The following SHC2 variants were observed in gnomAD, a reference collection of about 807,000 sequenced individuals.
The protein encoded by SHC2 is SHC adaptor protein 2, also known as SHC-transforming protein 2.
A neutral mutation model predicts 60.6 loss-of-function variants in SHC2; 62 were observed. The observed-to-expected ratio is 1.02, with a 90% CI of 0.83 to 1.26. The LOEUF (loss-of-function observed/expected upper bound fraction) is 1.26, where lower values mean the gene tolerates loss of function less well. SHC2 is among the 50% of genes most tolerant of loss of function. SHC2 has a pLI of 0.00. For synonymous variants in SHC2, 375 were observed against 372.4 expected (o/e 1.01, Z -0.08); for missense variants, 873 against 822.2 (o/e 1.06, Z -0.76).
At chr19:444,328 C>T (rs1600310016) in intron 1 of SHC2, among the ~76,000 whole-genome samples, 1 of 152,260 alleles carries the variant, frequency 6.6e-6, no homozygotes, top group East Asian at 1.9e-4. Flanking sequence ...TGCTCAATGG[C>T]TGTCTTCTCT....
chr19:418,811 T>C (rs981172560), intron 12 of SHC2, 112 bp downstream of exon 12: 7 of 1,223,124 alleles, frequency 5.7e-6, no homozygotes, highest in Non-Finnish European at 7.9e-6. Flanking sequence ...CACCCCTGAG[T>C]CGTGCCCTCT....
At chr19:443,079 ATGGATGGAGGG>A (rs1285781983) in intron 1 of SHC2, among the ~76,000 whole-genome samples, 1 of 124,498 alleles carries the variant, frequency 8.0e-6, no homozygotes, top group Non-Finnish European at 1.7e-5. Flanking sequence ...GGGTGGGTGG[ATGGATGGAGGG>A]TGGATGGATG....
Position 437,105 on chromosome 19 carries a change from AG to A in SHC2, c.721-423del, listed in dbSNP as rs1452380694. On this transcript the variant is annotated intron_variant, in intron 4 of 12. Transcript: ENST00000264554. ...CTCCTGACTCCCTTGTCCACGTGCA[AG>A]GGCACCTGTGAGTGCATTTGCATGC... 4.6e-5 allele frequency among the ~76,000 whole-genome samples: 7 copies of A among 152,278 alleles called. 1 individual carries two copies. Among genetic ancestry groups the A allele is most frequent in the Admixed American group, 3.3e-4 (5 of 15,302 alleles).
intron 1 of SHC2, among the ~76,000 whole-genome samples, chr19:443,978 C>T (rs1416350432): frequency 2.1e-5 from 2 of 96,514 alleles, no homozygotes; most frequent in African/African-American, 4.3e-5. Context: ...GATGGATGGA[C>T]GGATGGTTGG....
rs993312055 is a variant in SHC2 at position 446,700 on chromosome 19, C to T, written c.469-5768G>A. On this transcript the variant is annotated intron_variant, in intron 1 of 12. Transcript: ENST00000264554. The surrounding 1 kb of genome is among the most constrained non-coding windows in gnomAD (Gnocchi z 5.4). ...ATGGGGAGGAGCCCTGGCGGCTTCA[C>T]ATTCAACCTTCCCCTTTGCAAATTC... is the stretch of plus-strand genomic sequence containing the variant. Among the ~76,000 whole-genome samples, 3 of 152,144 alleles carry T rather than the reference C, an allele frequency of 2.0e-5. No homozygotes were observed. The highest frequency in any genetic ancestry group is 4.4e-5 in the Non-Finnish European group (3 of 68,032).
At chr19:460,100 G>A (rs1200152878) in intron 1 of SHC2, among the ~76,000 whole-genome samples, 9 of 152,242 alleles carry the variant, frequency 5.9e-5, no homozygotes, top group Non-Finnish European at 1.3e-4. Flanking sequence ...CCTGGGGTCT[G>A]TCCGGGCGCC....
intron 1 of SHC2, among the ~76,000 whole-genome samples, chr19:442,871 ATAGATGAG>A (rs1974928169): frequency 9.7e-6 from 1 of 102,806 alleles, no homozygotes; most frequent in Non-Finnish European, 1.8e-5. Flanking sequence ...GGGTGGGTGG[ATAGATGAG>A]TGGATGGGTG....
intron 1 of SHC2, among the ~76,000 whole-genome samples, chr19:451,169 G>A (rs112242192): frequency 5.9e-4 from 85 of 144,206 alleles, no homozygotes; most frequent in Admixed American, 2.6e-3. Flanking sequence ...GTATTTCAGC[G>A]TGTGGATGGC....
chr19:421,745 C>T (rs796427392), intron 11 of SHC2, among the ~76,000 whole-genome samples: 8 of 152,140 alleles, frequency 5.3e-5, no homozygotes, highest in African/African-American at 1.9e-4. Context: ...GTGGCAAGGC[C>T]CCATCTCTAC....
intron 11 of SHC2, among the ~76,000 whole-genome samples, chr19:420,271 A>G (rs1357083992): frequency 6.6e-6 from 1 of 152,192 alleles, no homozygotes; most frequent in African/African-American, 2.4e-5. Context: ...CTCTCGCCCA[A>G]GCCCTGCCCC....
At chr19:456,093 A>G (rs1488903881) in intron 1 of SHC2, among the ~76,000 whole-genome samples, 1 of 152,124 alleles carries the variant, frequency 6.6e-6, no homozygotes, top group Non-Finnish European at 1.5e-5. Flanking sequence ...GCGTAACCTC[A>G]GACACAGCTC....
At position 438,899 on chromosome 19, in the gene SHC2, G is replaced by A. The variant is rs1974784889; in HGVS notation, c.601-62C>T. The A allele has an allele frequency of 6.4e-7, 1 of 1,552,996 alleles. No homozygotes were observed. Among genetic ancestry groups the A allele is most frequent in the Admixed American group, 1.9e-5 (1 of 51,800 alleles). On this transcript the variant is annotated intron_variant, in intron 3 of 12. Coordinates refer to ENST00000264554, the MANE Select transcript of SHC2 (RefSeq NM_012435.3). The surrounding 1 kb of genome is among the most constrained non-coding windows in gnomAD (Gnocchi z 5.0). ...GGTGGGGGCTGTCGAGGGGCTCCCA[G>A]GATGGCCGCAGCGTCCCCACAGCCC...
intron 1 of SHC2, among the ~76,000 whole-genome samples, chr19:454,762 C>T (rs1386588305): frequency 6.6e-6 from 1 of 151,626 alleles, no homozygotes; most frequent in Non-Finnish European, 1.5e-5. Flanking sequence ...GGCACTCCAG[C>T]CTCAGCAACA....
At chr19:428,403 C>T (rs374503844) in intron 9 of SHC2, among the ~76,000 whole-genome samples, 4 of 152,292 alleles carry the variant, frequency 2.6e-5, no homozygotes, top group African/African-American at 9.6e-5. Context: ...CTGCAATCAA[C>T]GCAGATGTCC....
rs1250637995 is a variant in SHC2 at position 438,487 on chromosome 19, C to T, written c.720+231G>A. On this transcript the variant is annotated intron_variant, in intron 4 of 12. Transcript: ENST00000264554. This position sits in a 1 kb window ranked among gnomAD's most constrained non-coding sequence, Gnocchi z 5.0. ...AGCAGCGTCCCTGCCCCCACCCACT[C>T]CATGCCAGGAGCGCCCCTGTATCAG... is the stretch of plus-strand genomic sequence containing the variant. Among the ~76,000 whole-genome samples, 1 of 152,222 alleles carries T rather than the reference C, an allele frequency of 6.6e-6. No individual in the cohort carries two copies. The highest frequency in any genetic ancestry group is 6.5e-5 in the Admixed American group (1 of 15,288).
intron 9 of SHC2, 142 bp downstream of exon 9, chr19:430,542 C>T: frequency 1.5e-6 from 1 of 659,700 alleles, no homozygotes. Context: ...AAAATCTCAG[C>T]AGAGTGTTAG....
Position 460,832 on chromosome 19 carries a change from C to T in SHC2, c.165G>A (p.Gly55=). The part of the protein sequence containing the change: ...GRGPAAARAA[G]ASGGADPQPE... Reference sequence around the variant, plus strand: ...GTTGGGGGTCCGCGCCCCCCGAGGCCCCAGCCGCCCGCGCCGCCGCCGGGC... The same window carrying T: ...GTTGGGGGTCCGCGCCCCCCGAGGCTCCAGCCGCCCGCGCCGCCGCCGGGC... Residue 55 remains glycine, a synonymous_variant, in exon 1 of 13, where the codon GGG becomes GGA. Coordinates refer to ENST00000264554, the MANE Select transcript of SHC2 (RefSeq NM_012435.3). 1 of 982,936 alleles carries T rather than the reference C, an allele frequency of 1.0e-6. No individual in the cohort carries two copies. The highest frequency in any genetic ancestry group is 1.2e-6 in the Non-Finnish European group (1 of 830,084). The allele number at this position is 982,936 out of a possible 1,614,324, so 60.9% of individuals were successfully genotyped here. A position where few individuals can be genotyped will look rare whatever the true frequency, so the allele number is the denominator to read the frequency against.
rs1270468302 is a variant in SHC2, at chr19:446,580, C to A, written c.469-5648G>T. 6.6e-6 allele frequency among the ~76,000 whole-genome samples: 1 copy of A among 152,184 alleles called. No homozygotes were observed. Among genetic ancestry groups the A allele is most frequent in the Non-Finnish European group, 1.5e-5 (1 of 68,040 alleles). On this transcript the variant is annotated intron_variant, in intron 1 of 12. Coordinates refer to ENST00000264554, the MANE Select transcript of SHC2 (RefSeq NM_012435.3). The surrounding 1 kb of genome is among the most constrained non-coding windows in gnomAD (Gnocchi z 5.4). ...TCGGTCTCCCAAAGTGCTGGGACTACAGGCGTGAGTCACCGCGCCCGGCTG... is the reference window on the plus strand; with the variant it reads ...TCGGTCTCCCAAAGTGCTGGGACTAAAGGCGTGAGTCACCGCGCCCGGCTG...
At chr19:436,496 C>T (rs756186057) in intron 5 of SHC2, 65 bp from the exon 6 acceptor site, 1 of 1,595,742 alleles carries the variant, frequency 6.3e-7, no homozygotes. Context: ...AGCTGCCCAC[C>T]CCAGCAATGC....
Sources: gnomAD v4.1 joint callset for allele counts (sites outside exome capture counted in the v4.1 genomes callset) on GRCh38, gnomAD v4.1.1 for gene constraint, Gnocchi (gnomAD v3.1) non-coding constraint, MANE v1.5 for transcripts, NCBI Gene and HGNC (gene_info 2026-07-23, HGNC 2026-07-21) for gene names.